The following FRMD3 variants were observed in gnomAD, a reference collection of about 807,000 sequenced individuals.
FRMD3 encodes the protein FERM domain containing 3, also known as FERM domain-containing protein 3.
A neutral mutation model predicts 70.2 loss-of-function variants in FRMD3; 33 were observed. The ratio of observed to expected loss-of-function variants is 0.47; its 90% CI spans 0.36 to 0.63. The LOEUF (loss-of-function observed/expected upper bound fraction) is 0.63, where lower values mean the gene tolerates loss of function less well. FRMD3 is among the 20% of genes least tolerant of loss of function. The probability of loss-of-function intolerance (pLI) is 0.00; values close to 1 mark genes in which losing one functional copy is unlikely to be tolerated. For missense variants in FRMD3, 632 were observed against 711.4 expected (o/e 0.89, Z 1.27); for synonymous variants, 279 against 255.9 (o/e 1.09, Z -0.86).
intron 1 of FRMD3, among the ~76,000 whole-genome samples, chr9:83,390,496 A>C (rs1281210430): frequency 6.6e-6 from 1 of 152,228 alleles, no homozygotes; most frequent in African/African-American, 2.4e-5. Flanking sequence ...GCCCAGGACT[A>C]AGATCCAAAG....
At chr9:83,349,096 T>A (rs1308998124) in intron 4 of FRMD3, among the ~76,000 whole-genome samples, 1 of 152,170 alleles carries the variant, frequency 6.6e-6, no homozygotes, top group Non-Finnish European at 1.5e-5. Context: ...TCACAACATG[T>A]GCCCAGGTTA....
At chr9:83,319,950 T>C (rs1835728729) in intron 6 of FRMD3, among the ~76,000 whole-genome samples, 1 of 152,210 alleles carries the variant, frequency 6.6e-6, no homozygotes, top group Non-Finnish European at 1.5e-5. Context: ...TTATCAGCAG[T>C]GTGAAAATTG....
the FRMD3 span, among the ~76,000 whole-genome samples, chr9:83,579,363 C>T: frequency 4.6e-5 from 7 of 150,988 alleles, no homozygotes; most frequent in East Asian, 1.4e-3. Flanking sequence ...GGAGACATCA[C>T]ACTCCCTGAT....
chr9:83,485,810 A>G (rs962678620), intron 1 of FRMD3, among the ~76,000 whole-genome samples: 1 of 152,238 alleles, frequency 6.6e-6, no homozygotes, highest in African/African-American at 2.4e-5. Flanking sequence ...ACATACATAT[A>G]TGCACACACA....
intron 1 of FRMD3, among the ~76,000 whole-genome samples, chr9:83,492,234 T>C (rs892878585): frequency 1.3e-5 from 2 of 152,082 alleles, no homozygotes; most frequent in African/African-American, 4.8e-5. Context: ...ACTGATAGAG[T>C]TGACAGCATT....
At chr9:83,516,274 A>G (rs1401787822) in intron 1 of FRMD3, among the ~76,000 whole-genome samples, 3 of 151,980 alleles carry the variant, frequency 2.0e-5, no homozygotes, top group East Asian at 1.9e-4. Context: ...ATGGAGGAAG[A>G]TTTACCAAGC....
In FRMD3 at chr9:83,480,800, T is replaced by C. The variant is rs529573408; in HGVS notation, c.147+57285A>G. On this transcript the variant is annotated intron_variant, in intron 1 of 13. Coordinates refer to ENST00000304195, the MANE Select transcript of FRMD3 (RefSeq NM_174938.6). ...ATGAGCCACGAGATGATTTAAAGTATACAGGAGAATGTGCATAGGTTATAT... is the reference window on the plus strand; with the variant it reads ...ATGAGCCACGAGATGATTTAAAGTACACAGGAGAATGTGCATAGGTTATAT... Among the ~76,000 whole-genome samples, 3 of 152,322 alleles carry C rather than the reference T, an allele frequency of 2.0e-5. No individual in the cohort carries two copies. The South Asian group carries it at 6.2e-4, about 32-fold the overall frequency.
chr9:83,480,211 A>G (rs1828534509), intron 1 of FRMD3, among the ~76,000 whole-genome samples: 1 of 152,228 alleles, frequency 6.6e-6, no homozygotes, highest in South Asian at 2.1e-4. Context: ...AGGGCAGCAA[A>G]TGAATAAACT....
chr9:83,506,196 A>AT (rs996877869), intron 1 of FRMD3, among the ~76,000 whole-genome samples: 20 of 152,022 alleles, frequency 1.3e-4, no homozygotes, highest in African/African-American at 2.4e-4. Flanking sequence ...AGAGTTTATG[A>AT]TTTTTTTTTA....
chr9:83,338,708 G>A (rs1823659076), intron 5 of FRMD3, among the ~76,000 whole-genome samples: 2 of 152,090 alleles, frequency 1.3e-5, no homozygotes, highest in African/African-American at 4.8e-5. Context: ...TTATAAGGAT[G>A]GATACAAAGA....
the FRMD3 span, among the ~76,000 whole-genome samples, chr9:83,574,737 T>A: frequency 6.6e-6 from 1 of 152,214 alleles, no homozygotes; most frequent in African/African-American, 2.4e-5. Flanking sequence ...TCTATTTTGG[T>A]CCAGGAAGCT....
At chr9:83,364,466 G>C (rs917261905) in intron 3 of FRMD3, among the ~76,000 whole-genome samples, 2 of 150,812 alleles carry the variant, frequency 1.3e-5, no homozygotes, top group African/African-American at 2.4e-5. Flanking sequence ...TGAGGCAGGA[G>C]AATTGCTTGA....
intron 10 of FRMD3, among the ~76,000 whole-genome samples, chr9:83,306,705 G>C (rs961276322): frequency 6.6e-6 from 1 of 151,638 alleles, no homozygotes; most frequent in African/African-American, 2.4e-5. Flanking sequence ...CAATGCCTGA[G>C]ATCTTCAGGA....
chr9:83,381,706 G>A (rs1447184686), intron 2 of FRMD3, among the ~76,000 whole-genome samples: 1 of 152,070 alleles, frequency 6.6e-6, no homozygotes, highest in Non-Finnish European at 1.5e-5. Context: ...TCAGGGGAGG[G>A]GCCAGGAAGT....
intron 1 of FRMD3, among the ~76,000 whole-genome samples, chr9:83,454,011 A>G (rs11140101): frequency 0.23 from 34,317 of 152,050 alleles, 3,976 homozygotes; most frequent in Non-Finnish European, 0.26. Context: ...CACCGCGCCC[A>G]GCTCTTTTAA....
At position 83,246,286 on chromosome 9, in the gene FRMD3, A is replaced by G. The variant is rs1832090883; in HGVS notation, c.*1632T>C. 1 of 984,828 alleles carries G rather than the reference A, an allele frequency of 1.0e-6. No individual in the cohort carries two copies. The highest frequency in any genetic ancestry group is 1.2e-6 in the Non-Finnish European group (1 of 829,412). 61.0% of individuals were successfully genotyped at this position (984,828 alleles called of 1,614,324 possible). ...CTCTATGCTCCATGGCATAAGTTCT[A>G]GACTCTTATCTTTCTCCCACATAAC... On this transcript the variant is annotated 3_prime_UTR_variant, in exon 14 of 14. Transcript: ENST00000304195.
In FRMD3 at chr9:83,245,163, G is replaced by A; in HGVS notation, c.*2755C>T. 1.0e-6 allele frequency: 1 copy of A among 985,024 alleles called. No individual in the cohort carries two copies. The highest frequency in any genetic ancestry group is 1.2e-6 in the Non-Finnish European group (1 of 829,638). 61.0% of individuals were successfully genotyped at this position (985,024 alleles called of 1,614,324 possible). ...ATTATGCATGAGGGGCATATATGTT[G>A]TGTCTATTCAAAGACACACATATAT... On this transcript the variant is annotated 3_prime_UTR_variant, in exon 14 of 14. Coordinates refer to ENST00000304195, the MANE Select transcript of FRMD3 (RefSeq NM_174938.6).
rs183715266 is a variant in FRMD3, at chr9:83,352,797, G to A, written c.296-3040C>T. On this transcript the variant is annotated intron_variant, in intron 3 of 13. Coordinates refer to ENST00000304195, the MANE Select transcript of FRMD3 (RefSeq NM_174938.6). ...CAGCTTCATTCTGGACATAATCGTC[G>A]TCTCCTGTCAATGGTCTCCTCTCAG... Among the ~76,000 whole-genome samples, 479 of 152,250 alleles carry A rather than the reference G, an allele frequency of 3.1e-3. 5 individuals carry two copies. In the Middle Eastern group the frequency reaches 0.034, roughly 11 times the overall value.
intron 1 of FRMD3, among the ~76,000 whole-genome samples, chr9:83,393,133 T>A (rs2131303603): frequency 6.6e-6 from 1 of 152,372 alleles, no homozygotes; most frequent in Non-Finnish European, 1.5e-5. Context: ...TGAGGTTGTA[T>A]GGTCTCAGAA....
Sources: gnomAD v4.1 joint callset for allele counts (sites outside exome capture counted in the v4.1 genomes callset) on GRCh38, gnomAD v4.1.1 for gene constraint, MANE v1.5 for transcripts, NCBI Gene and HGNC (gene_info 2026-07-23, HGNC 2026-07-21) for gene names.